The following ZCCHC14 variants were observed in gnomAD, a reference collection of about 807,000 sequenced individuals.
The protein encoded by ZCCHC14 is zinc finger CCHC domain-containing protein 14.
Under a neutral mutation model 85.0 loss-of-function variants are expected in ZCCHC14, and 16 were observed. That is an observed-to-expected ratio of 0.19 (90% CI 0.13 to 0.29). The LOEUF (loss-of-function observed/expected upper bound fraction) is 0.29, where lower values mean the gene tolerates loss of function less well. Ranked by LOEUF, ZCCHC14 falls within the 10% of genes least tolerant of loss-of-function variation. The probability of loss-of-function intolerance (pLI) is 1.00; values close to 1 mark genes in which losing one functional copy is unlikely to be tolerated. For missense variants in ZCCHC14, 1,303 were observed against 1,443.5 expected (o/e 0.90, Z 1.58); for synonymous variants, 775 against 630.7 (o/e 1.23, Z -3.43).
rs182297709 is a variant in ZCCHC14 at position 87,460,848 on chromosome 16, A to G, written c.571-717T>C. 4.9e-3 allele frequency among the ~76,000 whole-genome samples: 743 copies of G among 152,372 alleles called. 3 individuals carry two copies. Among genetic ancestry groups the G allele is most frequent in the African/African-American group, 0.016 (664 of 41,588 alleles). On this transcript the variant is annotated intron_variant, in intron 1 of 12. Coordinates refer to ENST00000671377, the MANE Select transcript of ZCCHC14 (RefSeq NM_015144.3). ...ATTCTCCTTCTATAAATCTTAAATC[A>G]TAAAATGCTTTAAAAACAACAGCAA... is the stretch of plus-strand genomic sequence containing the variant.
rs1327778103 is a variant in ZCCHC14, at chr16:87,456,413, C to G, written c.694+3595G>C. 2.0e-5 allele frequency among the ~76,000 whole-genome samples: 3 copies of G among 151,604 alleles called. No individual in the cohort carries two copies. In the East Asian group the frequency reaches 5.8e-4, roughly 29 times the overall value. ...GGCGTGGTGGCCGGCACCTGTAGCC[C>G]CAGCAGCTACTCCGGAGGCTGAGGC... On this transcript the variant is annotated intron_variant, in intron 2 of 12. Coordinates refer to ENST00000671377, the MANE Select transcript of ZCCHC14 (RefSeq NM_015144.3).
At chr16:87,478,000 C>T (rs1912100025) in intron 1 of ZCCHC14, among the ~76,000 whole-genome samples, 1 of 152,130 alleles carries the variant, frequency 6.6e-6, no homozygotes, top group African/African-American at 2.4e-5. Context: ...CACCTAGAAC[C>T]ACTGATACGC....
intron 1 of ZCCHC14, chr16:87,467,528 G>C (rs1297955183): frequency 6.2e-7 from 1 of 1,603,470 alleles, no homozygotes; most frequent in African/African-American, 1.3e-5. Context: ...CTCAACAGTA[G>C]GATCAGAAGC....
At chr16:87,441,004 GTTT>G (rs111515378) in intron 2 of ZCCHC14, among the ~76,000 whole-genome samples, 1 of 135,252 alleles carries the variant, frequency 7.4e-6, no homozygotes, top group Non-Finnish European at 1.6e-5. Flanking sequence ...TTCCCATAAA[GTTT>G]TTTTTTTTTT....
intron 12 of ZCCHC14, among the ~76,000 whole-genome samples, chr16:87,411,156 G>C (rs760008262): frequency 6.6e-6 from 1 of 152,228 alleles, no homozygotes; most frequent in Non-Finnish European, 1.5e-5. Flanking sequence ...CAGAGGGTCC[G>C]GAATGCCGAT....
intron 1 of ZCCHC14, among the ~76,000 whole-genome samples, chr16:87,484,041 A>T (rs894859958): frequency 6.6e-6 from 1 of 152,242 alleles, no homozygotes; most frequent in Non-Finnish European, 1.5e-5. Context: ...CCAAGAGAAG[A>T]CCAGGAGGCA....
At position 87,456,016 on chromosome 16, in the gene ZCCHC14, T is replaced by C. The variant is rs375648419; in HGVS notation, c.694+3992A>G. 3.9e-5 allele frequency among the ~76,000 whole-genome samples: 6 copies of C among 152,322 alleles called. No homozygotes were observed. The East Asian group carries it at 9.6e-4, about 24-fold the overall frequency. On this transcript the variant is annotated intron_variant, in intron 2 of 12. Coordinates refer to ENST00000671377, the MANE Select transcript of ZCCHC14 (RefSeq NM_015144.3). Reference sequence around the variant, plus strand: ...TTCAACTTGCAGCCCCCACTGTAAGTTGAAAAGCATCTATGCGGTAAAATG... The same window carrying C: ...TTCAACTTGCAGCCCCCACTGTAAGCTGAAAAGCATCTATGCGGTAAAATG...
Position 87,411,823 on chromosome 16 carries a change from G to A in ZCCHC14, c.2898C>T (p.Pro966=), listed in dbSNP as rs768142509. ...VFTFPFLPFS[P]MCSSGYVSAQ... is the part of the protein sequence containing the mutation. Reference sequence around the variant, plus strand: ...CGCTGACGTAGCCGCTGCTGCACATGGGACTGAAGGGCAAGAAGGGGAAGG... The same window carrying A: ...CGCTGACGTAGCCGCTGCTGCACATAGGACTGAAGGGCAAGAAGGGGAAGG... Residue 966 remains proline, a synonymous_variant, in exon 12 of 13, where the codon CCC becomes CCT. Transcript: ENST00000671377. 1 of 1,611,380 alleles carries A rather than the reference G, an allele frequency of 6.2e-7. No individual in the cohort carries two copies.
intron 2 of ZCCHC14, among the ~76,000 whole-genome samples, chr16:87,448,863 C>T (rs190753791): frequency 3.3e-5 from 5 of 152,234 alleles, no homozygotes; most frequent in African/African-American, 9.6e-5. Flanking sequence ...CCTCGTCACA[C>T]TGAAACCCAT....
At position 87,433,530 on chromosome 16, in the gene ZCCHC14, G is replaced by A. The variant is rs575224880; in HGVS notation, c.695-329C>T. The stretch of plus-strand genomic sequence containing the variant: ...CAACTGAGAATCTGTGCAGCCTCCC[G>A]GGTTCACCCTCAAAACCGTTACGAA... On this transcript the variant is annotated intron_variant, in intron 2 of 12. Coordinates refer to ENST00000671377, the MANE Select transcript of ZCCHC14 (RefSeq NM_015144.3). Among the ~76,000 whole-genome samples the A allele has an allele frequency of 3.3e-5, 5 of 152,170 alleles. No homozygotes were observed. The South Asian group carries it at 8.3e-4, about 25-fold the overall frequency.
At chr16:87,452,287 C>A (rs989525018) in intron 2 of ZCCHC14, among the ~76,000 whole-genome samples, 1 of 152,194 alleles carries the variant, frequency 6.6e-6, no homozygotes, top group Non-Finnish European at 1.5e-5. Flanking sequence ...AATGTGGGAA[C>A]CATGTTGAGG....
At chr16:87,451,970 C>T (rs1165357445) in intron 2 of ZCCHC14, among the ~76,000 whole-genome samples, 1 of 152,232 alleles carries the variant, frequency 6.6e-6, no homozygotes, top group Non-Finnish European at 1.5e-5. Flanking sequence ...AAAGGAATCC[C>T]GGCTCTCCCT....
rs1436833187 is a variant in ZCCHC14 at position 87,491,017 on chromosome 16, G to A, written c.570+652C>T. Reference sequence around the variant, plus strand: ...AATGTTCACCTCACCGGCGGCTTCTGGCGTGGCCACGGCTCCTTCCTTTTC... The same window carrying A: ...AATGTTCACCTCACCGGCGGCTTCTAGCGTGGCCACGGCTCCTTCCTTTTC... On this transcript the variant is annotated intron_variant, in intron 1 of 12. Transcript: ENST00000671377. This position sits in a 1 kb window ranked among gnomAD's most constrained non-coding sequence, Gnocchi z 5.9. Among the ~76,000 whole-genome samples the A allele has an allele frequency of 6.6e-6, 1 of 152,246 alleles. No individual in the cohort carries two copies. The highest frequency in any genetic ancestry group is 1.5e-5 in the Non-Finnish European group (1 of 68,048).
chr16:87,476,816 C>T (rs1421798410), intron 1 of ZCCHC14, among the ~76,000 whole-genome samples: 1 of 151,858 alleles, frequency 6.6e-6, no homozygotes, highest in African/African-American at 2.4e-5. Flanking sequence ...CGCATCAAGG[C>T]TTACTGCTTC....
chr16:87,487,154 T>G (rs1030420467), intron 1 of ZCCHC14, among the ~76,000 whole-genome samples: 1 of 152,212 alleles, frequency 6.6e-6, no homozygotes, highest in Non-Finnish European at 1.5e-5. Flanking sequence ...TGTGTCTATC[T>G]GAAGTTTCCA....
At chr16:87,471,192 T>A (rs1298841519) in intron 1 of ZCCHC14, 1 of 152,214 alleles carries the variant, frequency 6.6e-6, no homozygotes, top group Non-Finnish European at 1.5e-5. Flanking sequence ...AGGAGTAACG[T>A]CTGTTAAATA....
chr16:87,485,154 G>A (rs1023620929), intron 1 of ZCCHC14, among the ~76,000 whole-genome samples: 1 of 152,174 alleles, frequency 6.6e-6, no homozygotes, highest in Non-Finnish European at 1.5e-5. Context: ...CTGGGTCCAG[G>A]GCTTTGTGGC....
At chr16:87,434,166 C>T (rs760497727) in intron 2 of ZCCHC14, among the ~76,000 whole-genome samples, 12 of 152,302 alleles carry the variant, frequency 7.9e-5, no homozygotes, top group Admixed American at 5.9e-4. Context: ...TACACTGGTG[C>T]GTGTTTTTCT....
chr16:87,477,272 C>T (rs1394069333), intron 1 of ZCCHC14, among the ~76,000 whole-genome samples: 1 of 152,140 alleles, frequency 6.6e-6, no homozygotes, highest in Admixed American at 6.5e-5. Flanking sequence ...AAATATCAGA[C>T]TGCGGTACTG....
Sources: gnomAD v4.1 joint callset for allele counts (sites outside exome capture counted in the v4.1 genomes callset) on GRCh38, gnomAD v4.1.1 for gene constraint, Gnocchi (gnomAD v3.1) non-coding constraint, MANE v1.5 for transcripts, NCBI Gene and HGNC (gene_info 2026-07-23, HGNC 2026-07-21) for gene names.